RASGRF1: variants seen among roughly 807,000 people sequenced by gnomAD.
RASGRF1 encodes Ras protein specific guanine nucleotide releasing factor 1.
In RASGRF1, 40 loss-of-function variants were observed where a neutral mutation model predicts 138.7. The observed-to-expected ratio is 0.29, with a 90% CI of 0.22 to 0.38. The LOEUF is 0.38. Among genes scored for constraint, RASGRF1 ranks in the 10% least tolerant of loss-of-function variants. The pLI, the probability that RASGRF1 is intolerant of heterozygous loss-of-function variation, is 1.00. For missense variants in RASGRF1, 1,108 were observed against 1,650.4 expected (o/e 0.67, Z 5.69); for synonymous variants, 614 against 663.2 (o/e 0.93, Z 1.14).
intron 19 of RASGRF1, among the ~76,000 whole-genome samples, chr15:78,997,273 G>C (rs928330406): frequency 6.6e-6 from 1 of 152,142 alleles, no homozygotes; most frequent in African/African-American, 2.4e-5. Context: ...TACAAATCAG[G>C]CCTCGCCAGC....
At chr15:78,974,309 T>A (rs35471610) in intron 24 of RASGRF1, among the ~76,000 whole-genome samples, 1 of 152,204 alleles carries the variant, frequency 6.6e-6, no homozygotes, top group Non-Finnish European at 1.5e-5. Flanking sequence ...ACAGATGCGG[T>A]GGCATCATCG....
At position 79,054,306 on chromosome 15, in the gene RASGRF1, G is replaced by C. The variant is rs1356884237; in HGVS notation, c.531+4028C>G. ...ATGGTTGTGGCAGGAAAGGCTGAGT[G>C]ACATGAGGGCAGAGGTGTTTTCTAT... On this transcript the variant is annotated intron_variant, in intron 3 of 26. Transcript: ENST00000558480. Among the ~76,000 whole-genome samples, 4 of 152,214 alleles carry C rather than the reference G, an allele frequency of 2.6e-5. No homozygotes were observed. In the East Asian group the frequency reaches 7.7e-4, roughly 29 times the overall value.
chr15:78,959,944 C>G lies in RASGRF1; in HGVS notation c.*2200G>C, dbSNP rs2055516896. ...ATTAACTGTTTAATAGTACTTAATA[C>G]CATTAATTATAATAATTCATTTAAT... On this transcript the variant is annotated 3_prime_UTR_variant, in exon 27 of 27. Transcript: ENST00000558480. 6.6e-6 allele frequency: 1 copy of G among 150,954 alleles called. No homozygotes were observed. Among genetic ancestry groups the G allele is most frequent in the Non-Finnish European group, 1.5e-5 (1 of 68,038 alleles). The allele number at this position is 150,954 out of a possible 1,614,324, so 9.4% of individuals were successfully genotyped here.
chr15:79,044,180 C>T (rs2057330321), intron 5 of RASGRF1, among the ~76,000 whole-genome samples: 1 of 152,234 alleles, frequency 6.6e-6, no homozygotes, highest in Non-Finnish European at 1.5e-5. Context: ...TGCGACAGAC[C>T]TGACCATGAC....
chr15:79,058,199 C>T (rs2057535863), intron 3 of RASGRF1, 135 bp downstream of exon 3: 23 of 1,338,454 alleles, frequency 1.7e-5, no homozygotes, highest in Non-Finnish European at 2.2e-5. Flanking sequence ...CCACCACGTC[C>T]TAAGTTTGGA....
At chr15:78,972,407 TC>T (rs2055780914) in intron 25 of RASGRF1, among the ~76,000 whole-genome samples, 1 of 151,084 alleles carries the variant, frequency 6.6e-6, no homozygotes, top group Non-Finnish European at 1.5e-5. Context: ...ATGTTTTTTT[TC>T]TTTTTTTTTT....
chr15:79,064,296 T>C, intron 2 of RASGRF1, 124 bp downstream of exon 2: 1 of 885,614 alleles, frequency 1.1e-6, no homozygotes, highest in Non-Finnish European at 1.8e-6. Flanking sequence ...AAGAGATGCT[T>C]CTCCTCCTCC....
chr15:79,060,481 G>C (rs1192144270), intron 2 of RASGRF1, among the ~76,000 whole-genome samples: 1 of 152,224 alleles, frequency 6.6e-6, no homozygotes, highest in Non-Finnish European at 1.5e-5. Flanking sequence ...CTTCTAGTTT[G>C]TGTTGAATCT....
chr15:79,015,757 G>C (rs531916451), intron 12 of RASGRF1, among the ~76,000 whole-genome samples: 49 of 152,338 alleles, frequency 3.2e-4, no homozygotes, highest in African/African-American at 1.1e-3. Flanking sequence ...CTGACCTCTG[G>C]GGTCCAGTGT....
At chr15:78,979,227 G>C in intron 24 of RASGRF1, 1 of 1,231,444 alleles carries the variant, frequency 8.1e-7, no homozygotes, top group South Asian at 1.4e-5. Flanking sequence ...AAACAAAGTG[G>C]AGATGGTCAA....
At chr15:78,976,975 G>A (rs981062478) in intron 24 of RASGRF1, among the ~76,000 whole-genome samples, 4 of 152,326 alleles carry the variant, frequency 2.6e-5, no homozygotes, top group East Asian at 3.9e-4. Flanking sequence ...CCTCGCTGTC[G>A]CACTCCCATG....
rs2141578751 is a variant in RASGRF1, at chr15:78,962,212, A to G, written c.3706T>C (p.Ser1236Pro). Residue 1236 changes from serine to proline, a missense_variant, in exon 27 of 27, where the codon TCT (serine) becomes CCT (proline). Transcript: ENST00000558480. Reference protein sequence around the residue: ...AKVTQYLLDQSFVMDEESLYE... With the variant: ...AKVTQYLLDQPFVMDEESLYE... ...AGGCTTTCTTCATCCATTACAAAAG[A>G]TTGGTCCAGTAAATATTGCGTTACC... The G allele has an allele frequency of 6.3e-7, 1 of 1,580,806 alleles. No homozygotes were observed. The highest frequency in any genetic ancestry group is 8.6e-7 in the Non-Finnish European group (1 of 1,157,806).
In RASGRF1 at chr15:79,059,252, T is replaced by C. The variant is rs1051582136; in HGVS notation, c.384-771A>G. 5.8e-3 allele frequency among the ~76,000 whole-genome samples: 132 copies of C among 22,572 alleles called. 3 individuals carry two copies. The highest frequency in any genetic ancestry group is 0.011 in the African/African-American group (37 of 3,416). 14.8% of individuals were successfully genotyped at this position (22,572 alleles called of 152,430 possible). On this transcript the variant is annotated intron_variant, in intron 2 of 26. Coordinates refer to ENST00000558480, the MANE Select transcript of RASGRF1 (RefSeq NM_001145648.3). ...CCCTTCCCTTCCCTTCCCTTCCCTA[T>C]CCTTCCCTTCCCTTCCCTTCCCTAT...
At position 78,971,623 on chromosome 15, in the gene RASGRF1, G is replaced by T. The variant is rs540197641; in HGVS notation, c.3681+243C>A. Among the ~76,000 whole-genome samples the T allele has an allele frequency of 2.0e-5, 3 of 152,342 alleles. No individual in the cohort carries two copies. The South Asian group carries it at 6.2e-4, about 32-fold the overall frequency. ...ACTCTGCCTGTCTTGCCCTGGGGGAGATTAGACATGAATATAAACCATCCT... is the reference window on the plus strand; with the variant it reads ...ACTCTGCCTGTCTTGCCCTGGGGGATATTAGACATGAATATAAACCATCCT... On this transcript the variant is annotated intron_variant, in intron 26 of 26. Transcript: ENST00000558480.
rs535053347 is a variant in RASGRF1, at chr15:79,024,032, CACAT to C, written c.1542+1278_1542+1281del. On this transcript the variant is annotated intron_variant, in intron 10 of 26. Coordinates refer to ENST00000558480, the MANE Select transcript of RASGRF1 (RefSeq NM_001145648.3). Reference sequence around the variant, plus strand: ...CAGATACACACATCACACACACACACACATACAAACACACACACACACATACACA... The same window carrying C: ...CAGATACACACATCACACACACACACACAAACACACACACACACATACACA... 5.2e-4 allele frequency among the ~76,000 whole-genome samples: 68 copies of C among 130,712 alleles called. No homozygotes were observed. The East Asian group carries it at 0.013, about 25-fold the overall frequency. The allele number at this position is 130,712 out of a possible 152,430, so 85.8% of individuals were successfully genotyped here.
chr15:79,015,193 C>A, intron 13 of RASGRF1, 134 bp downstream of exon 13: 1 of 779,426 alleles, frequency 1.3e-6, no homozygotes, highest in Non-Finnish European at 2.0e-6. Context: ...AAGAAAACAT[C>A]CAAAACACCC....
At chr15:79,055,330 C>T (rs2057496205) in intron 3 of RASGRF1, among the ~76,000 whole-genome samples, 1 of 152,118 alleles carries the variant, frequency 6.6e-6, no homozygotes, top group Non-Finnish European at 1.5e-5. Context: ...CCAGCAACTA[C>T]CCTCTGACCT....
chr15:78,999,904 A>C lies in RASGRF1; in HGVS notation c.2585T>G (p.Leu862Arg). The change falls in exon 17 of 27, where the codon CTC (leucine) becomes CGC (arginine). Residue 862 changes from leucine (L) to arginine (R), a missense_variant. Leu to Arg is a moderately radical substitution (Grantham distance 102, BLOSUM62 -2). Coordinates refer to ENST00000558480, the MANE Select transcript of RASGRF1 (RefSeq NM_001145648.3). ...GACGACTCCATTGTTATAGGAAAAG[A>C]GTGGGAACTCTGCAGAGAGGAGGGA... ...VKNKNSSEFP[L>R]FSYNNGVVMT... 1 of 1,614,056 alleles carries C rather than the reference A, an allele frequency of 6.2e-7. No individual in the cohort carries two copies. The highest frequency in any genetic ancestry group is 8.5e-7 in the Non-Finnish European group (1 of 1,179,932).
At chr15:79,028,048 G>A (rs1435269205) in intron 8 of RASGRF1, among the ~76,000 whole-genome samples, 189 bp from the exon 9 acceptor site, 1 of 152,162 alleles carries the variant, frequency 6.6e-6, no homozygotes, top group Non-Finnish European at 1.5e-5. Context: ...GCACTTCATA[G>A]GCACGACCTC....
Sources: gnomAD v4.1 joint callset for allele counts (sites outside exome capture counted in the v4.1 genomes callset) on GRCh38, gnomAD v4.1.1 for gene constraint, MANE v1.5 for transcripts, NCBI Gene and HGNC (gene_info 2026-07-23, HGNC 2026-07-21) for gene names.